Variants in NKAIN3 observed in about 807,000 individuals in gnomAD.
NKAIN3 encodes sodium/potassium-transporting ATPase subunit beta-1-interacting protein 3.
In NKAIN3, 25 loss-of-function variants were observed where a neutral mutation model predicts 30.2. The ratio of observed to expected loss-of-function variants is 0.83; its 90% confidence interval spans 0.60 to 1.16. The LOEUF (loss-of-function observed/expected upper bound fraction) is 1.16. Among genes scored for constraint, NKAIN3 ranks in the 50% most tolerant of loss-of-function variants. The pLI, the probability that NKAIN3 is intolerant of heterozygous loss-of-function variation, is 0.00. For synonymous variants in NKAIN3, 91 were observed against 89.6 expected (o/e 1.02, Z -0.09); for missense variants, 225 against 254.1 (o/e 0.89, Z 0.78).
intron 1 of NKAIN3, among the ~76,000 whole-genome samples, chr8:62,386,262 T>G (rs546425337): frequency 6.6e-6 from 1 of 152,330 alleles, no homozygotes; most frequent in East Asian, 1.9e-4. Context: ...AAATCTCAGT[T>G]GGCTGTTCTG....
In NKAIN3 at chr8:62,964,577, T is replaced by C. The variant is rs574977175; in HGVS notation, c.604-777T>C. On this transcript the variant is annotated intron_variant, in intron 6 of 6. Transcript: ENST00000623646. Reference sequence around the variant, plus strand: ...GTGTGTGTGTGTGTGTGTGTGTGTGTGCTTCCCCACACATGCGTGCATCTG... The same window carrying C: ...GTGTGTGTGTGTGTGTGTGTGTGTGCGCTTCCCCACACATGCGTGCATCTG... Among the ~76,000 whole-genome samples, 858 of 144,916 alleles carry C rather than the reference T, an allele frequency of 5.9e-3. 10 individuals carry two copies. The highest frequency in any genetic ancestry group is 0.021 in the African/African-American group (805 of 38,790).
intron 3 of NKAIN3, among the ~76,000 whole-genome samples, chr8:62,592,767 A>G (rs1810692701): frequency 6.6e-6 from 1 of 152,028 alleles, no homozygotes; most frequent in African/African-American, 2.4e-5. Context: ...AATATATGCT[A>G]TGTAAACGAT....
At chr8:62,443,861 T>C (rs1805404837) in intron 1 of NKAIN3, among the ~76,000 whole-genome samples, 1 of 152,178 alleles carries the variant, frequency 6.6e-6, no homozygotes, top group African/African-American at 2.4e-5. Flanking sequence ...CTTACAGAAA[T>C]AATTTTTTGT....
intron 4 of NKAIN3, among the ~76,000 whole-genome samples, chr8:62,775,980 T>G (rs557013092): frequency 1.3e-5 from 2 of 152,094 alleles, no homozygotes; most frequent in Non-Finnish European, 2.9e-5. Flanking sequence ...TTTACAACTT[T>G]TATATCCACC....
Position 62,836,087 on chromosome 8 carries a change from T to C in NKAIN3, c.472-82366T>C, listed in dbSNP as rs1182340090. Among the ~76,000 whole-genome samples the C allele has an allele frequency of 3.3e-5, 5 of 151,894 alleles. No individual in the cohort carries two copies. The East Asian group carries it at 9.7e-4, about 29-fold the overall frequency. On this transcript the variant is annotated intron_variant, in intron 4 of 6. Coordinates refer to ENST00000623646, the MANE Select transcript of NKAIN3 (RefSeq NM_001304533.3). The stretch of plus-strand genomic sequence containing the variant: ...TATCCTAAGCGAATTAAGACTGGAA[T>C]AGAAAACCAAATATTGCATGTTCTC...
In NKAIN3 at chr8:62,967,872, G is replaced by C. The variant is rs1313583977; in HGVS notation, c.*2465G>C. Among the ~76,000 whole-genome samples, 1 of 152,124 alleles carries C rather than the reference G, an allele frequency of 6.6e-6. No homozygotes were observed. The highest frequency in any genetic ancestry group is 2.4e-5 in the African/African-American group (1 of 41,422). Reference sequence around the variant, plus strand: ...TTTTGTTTCTATTTTATCTTCACGTGAATTTGTACATAGTTCTAGTAGGCA... The same window carrying C: ...TTTTGTTTCTATTTTATCTTCACGTCAATTTGTACATAGTTCTAGTAGGCA... On this transcript the variant is annotated 3_prime_UTR_variant, in exon 7 of 7. Coordinates refer to ENST00000623646, the MANE Select transcript of NKAIN3 (RefSeq NM_001304533.3).
At chr8:62,988,152 C>T (rs1824242049), downstream of NKAIN3, among the ~76,000 whole-genome samples, 4 of 152,326 alleles carry the variant, frequency 2.6e-5, no homozygotes, top group Admixed American at 6.5e-5. Flanking sequence ...GGCAGCTCCA[C>T]TTCTGTGGCT....
intron 1 of NKAIN3, among the ~76,000 whole-genome samples, chr8:62,426,192 AATCTACC>A (rs1359149857): frequency 2.6e-5 from 4 of 151,942 alleles, no homozygotes; most frequent in African/African-American, 9.7e-5. Flanking sequence ...AGAACAGGGA[AATCTACC>A]ATTGGTGACA....
chr8:62,808,175 T>A (rs1231823966), intron 4 of NKAIN3, among the ~76,000 whole-genome samples: 1 of 152,168 alleles, frequency 6.6e-6, no homozygotes, highest in African/African-American at 2.4e-5. Context: ...CTTTGATGTG[T>A]CCACGTGCTT....
At chr8:62,749,652 C>T (rs1191263846) in intron 4 of NKAIN3, among the ~76,000 whole-genome samples, 1 of 139,100 alleles carries the variant, frequency 7.2e-6, no homozygotes, top group Non-Finnish European at 1.6e-5. Flanking sequence ...ATTATGTATA[C>T]TTATTAGAAT....
chr8:62,800,535 G>A (rs1360204982), intron 4 of NKAIN3, among the ~76,000 whole-genome samples: 1 of 151,626 alleles, frequency 6.6e-6, no homozygotes, highest in Non-Finnish European at 1.5e-5. Context: ...TAGATCTGCA[G>A]ACATACAGCC....
Position 62,711,804 on chromosome 8 carries a change from G to A in NKAIN3, c.274-35128G>A, listed in dbSNP as rs117435041. On this transcript the variant is annotated intron_variant, in intron 3 of 6. Coordinates refer to ENST00000623646, the MANE Select transcript of NKAIN3 (RefSeq NM_001304533.3). ...TGAACTAGTGTGATTTTTTGGGAGCGTTAAATAGCCTTGTTTTTCATATTA... is the reference window on the plus strand; with the variant it reads ...TGAACTAGTGTGATTTTTTGGGAGCATTAAATAGCCTTGTTTTTCATATTA... 6.1e-4 allele frequency among the ~76,000 whole-genome samples: 93 copies of A among 152,206 alleles called. 1 individual carries two copies. In the East Asian group the frequency reaches 0.015, roughly 25 times the overall value.
intron 1 of NKAIN3, among the ~76,000 whole-genome samples, chr8:62,273,907 C>T (rs1480384260): frequency 6.6e-6 from 1 of 152,158 alleles, no homozygotes; most frequent in Admixed American, 6.5e-5. Flanking sequence ...TGTAAATCCC[C>T]CCTTCCTTTC....
rs149693353 is a variant in NKAIN3 at position 62,748,380 on chromosome 8, G to A, written c.471+1251G>A. Among the ~76,000 whole-genome samples the A allele has an allele frequency of 2.8e-3, 419 of 152,264 alleles. 3 individuals carry two copies. The highest frequency in any genetic ancestry group is 9.7e-3 in the African/African-American group (404 of 41,558). On this transcript the variant is annotated intron_variant, in intron 4 of 6. Coordinates refer to ENST00000623646, the MANE Select transcript of NKAIN3 (RefSeq NM_001304533.3). ...AAATTGACCGATTCTCAGGCAACAA[G>A]GTAGCTGAATAATAAAAGGTGAAGT...
intron 4 of NKAIN3, among the ~76,000 whole-genome samples, chr8:62,776,109 G>T (rs143005641): frequency 1.3e-5 from 2 of 151,746 alleles, no homozygotes; most frequent in African/African-American, 4.8e-5. Context: ...GTTTCCATTT[G>T]CATGAAATAC....
At chr8:62,643,532 C>T (rs1812370652) in intron 3 of NKAIN3, among the ~76,000 whole-genome samples, 1 of 152,122 alleles carries the variant, frequency 6.6e-6, no homozygotes, top group South Asian at 2.1e-4. Context: ...GGGAACAGAG[C>T]TGTTGGTTCC....
chr8:62,587,536 C>T (rs1160088237), intron 2 of NKAIN3, among the ~76,000 whole-genome samples: 3 of 151,896 alleles, frequency 2.0e-5, no homozygotes. Flanking sequence ...GTTATCTTGC[C>T]ATGAATCTAT....
intron 4 of NKAIN3, among the ~76,000 whole-genome samples, chr8:62,843,996 A>G (rs1819603876): frequency 6.6e-6 from 1 of 152,162 alleles, no homozygotes; most frequent in African/African-American, 2.4e-5. Flanking sequence ...CCAAAACTTT[A>G]TACTAAGAAT....
In NKAIN3 at chr8:62,803,042, TCAATTCAACAAG is replaced by T. The variant is rs1818128038; in HGVS notation, c.471+55914_471+55925del. Among the ~76,000 whole-genome samples the T allele has an allele frequency of 5.3e-5, 8 of 152,160 alleles. No homozygotes were observed. The South Asian group carries it at 1.7e-3, about 32-fold the overall frequency. The stretch of plus-strand genomic sequence containing the variant: ...AGGCCATTATATAATGGTAAAGGGA[TCAATTCAACAAG>T]AAGAGCTAACTATCCTAAATATATA... On this transcript the variant is annotated intron_variant, in intron 4 of 6. Coordinates refer to ENST00000623646, the MANE Select transcript of NKAIN3 (RefSeq NM_001304533.3).
Sources: allele counts gnomAD v4.1 joint callset (sites outside exome capture counted in the v4.1 genomes callset), GRCh38; gene constraint gnomAD v4.1.1; transcripts MANE v1.5; gene names NCBI Gene and HGNC (gene_info 2026-07-23, HGNC 2026-07-21).